The following PLXDC2 variants were observed in gnomAD, a reference collection of about 807,000 sequenced individuals.
The protein encoded by PLXDC2 is plexin domain-containing protein 2.
Under a neutral mutation model 68.9 loss-of-function variants are expected in PLXDC2, and 40 were observed. That is an observed-to-expected ratio of 0.58 (90% CI 0.45 to 0.76). The LOEUF (loss-of-function observed/expected upper bound fraction) is 0.76. PLXDC2 is among the 30% of genes least tolerant of loss of function. The pLI is 0.00. For missense variants in PLXDC2, 644 were observed against 661.9 expected, an observed-to-expected ratio of 0.97 and a Z score of 0.30; for synonymous variants, 243 against 234.2, an observed-to-expected ratio of 1.04 and a Z score of -0.34.
chr10:20,242,610 C>T lies in PLXDC2; in HGVS notation c.1313-2735C>T, dbSNP rs368723258. On this transcript the variant is annotated intron_variant, in intron 12 of 13. Coordinates refer to ENST00000377252, the MANE Select transcript of PLXDC2 (RefSeq NM_032812.9). ...TTTATCTTTTTCCTTCCTCTCTTTT[C>T]CTCCTCCCTTCTCACCAAATATGGA... is the stretch of plus-strand genomic sequence containing the variant. 9.7e-4 allele frequency among the ~76,000 whole-genome samples: 147 copies of T among 152,234 alleles called. 1 individual carries two copies. The highest frequency in any genetic ancestry group is 3.1e-3 in the African/African-American group (127 of 41,552).
At chr10:20,275,739 C>T (rs1008772704) in intron 13 of PLXDC2, among the ~76,000 whole-genome samples, 2 of 151,932 alleles carry the variant, frequency 1.3e-5, no homozygotes, top group Non-Finnish European at 2.9e-5. Flanking sequence ...ATGGCAAAAC[C>T]CTGTTTCCAC....
intron 7 of PLXDC2, among the ~76,000 whole-genome samples, chr10:20,174,689 T>C (rs1834502426): frequency 6.6e-6 from 1 of 152,048 alleles, no homozygotes; most frequent in Admixed American, 6.6e-5. Context: ...ATATACCTAA[T>C]GTAAATGACG....
intron 4 of PLXDC2, among the ~76,000 whole-genome samples, chr10:20,113,974 A>C (rs1016847913): frequency 2.0e-5 from 3 of 152,092 alleles, no homozygotes; most frequent in Non-Finnish European, 2.9e-5. Context: ...AAATATAAAA[A>C]TTAGTTAGGC....
At chr10:20,004,314 G>A (rs1183710566) in intron 2 of PLXDC2, among the ~76,000 whole-genome samples, 1 of 152,168 alleles carries the variant, frequency 6.6e-6, no homozygotes, top group Admixed American at 6.5e-5. Flanking sequence ...ACCAGGCAAC[G>A]GTTGATGTGT....
chr10:20,237,342 A>G (rs538650149), intron 12 of PLXDC2, among the ~76,000 whole-genome samples: 90 of 152,334 alleles, frequency 5.9e-4, no homozygotes, highest in Non-Finnish European at 1.1e-3. Flanking sequence ...GCCGGTAAGC[A>G]TTTTAAAAAA....
intron 9 of PLXDC2, among the ~76,000 whole-genome samples, chr10:20,204,035 A>G (rs767571523): frequency 6.6e-6 from 1 of 152,000 alleles, no homozygotes; most frequent in African/African-American, 2.4e-5. Context: ...ATAGTCATCT[A>G]TCATTCCCAG....
intron 9 of PLXDC2, among the ~76,000 whole-genome samples, chr10:20,201,183 T>C (rs1010940948): frequency 1.3e-5 from 2 of 152,114 alleles, no homozygotes; most frequent in Non-Finnish European, 1.5e-5. Flanking sequence ...ATATACACAA[T>C]AGAATACTGT....
chr10:19,968,117 A>G (rs943027251), intron 1 of PLXDC2, among the ~76,000 whole-genome samples: 17 of 152,222 alleles, frequency 1.1e-4, no homozygotes, highest in Admixed American at 5.2e-4. Context: ...TGAAGTTACA[A>G]GTAAACAGGT....
chr10:20,051,996 C>T (rs1488010512), intron 3 of PLXDC2, among the ~76,000 whole-genome samples: 1 of 151,788 alleles, frequency 6.6e-6, no homozygotes, highest in Non-Finnish European at 1.5e-5. Flanking sequence ...AGACATTGGT[C>T]CTGTATCTAC....
rs544641646 is a variant in PLXDC2, at chr10:20,253,688, C to A, written c.1473+8183C>A. Among the ~76,000 whole-genome samples the A allele has an allele frequency of 2.0e-5, 3 of 152,246 alleles. No individual in the cohort carries two copies. The South Asian group carries it at 6.2e-4, about 32-fold the overall frequency. On this transcript the variant is annotated intron_variant, in intron 13 of 13. Coordinates refer to ENST00000377252, the MANE Select transcript of PLXDC2 (RefSeq NM_032812.9). ...CTTTTCCAAAATAAGTAGATGAATT[C>A]TCCAGTTATCTAGCACAAGTAAATT...
intron 4 of PLXDC2, among the ~76,000 whole-genome samples, chr10:20,130,339 C>T (rs1005863653): frequency 2.6e-5 from 4 of 151,952 alleles, no homozygotes; most frequent in Non-Finnish European, 5.9e-5. Flanking sequence ...AACTGATTTT[C>T]GCATGTTTAT....
chr10:20,214,235 A>G (rs1474924923), intron 10 of PLXDC2, among the ~76,000 whole-genome samples: 1 of 152,034 alleles, frequency 6.6e-6, no homozygotes, highest in African/African-American at 2.4e-5. Flanking sequence ...AATTTTGGTG[A>G]TCTAAATAGT....
At chr10:20,039,705 GA>G (rs1335507614) in intron 2 of PLXDC2, among the ~76,000 whole-genome samples, 1 of 151,716 alleles carries the variant, frequency 6.6e-6, no homozygotes, top group Non-Finnish European at 1.5e-5. Flanking sequence ...TTTATATAGA[GA>G]AAAAGAAAAA....
chr10:20,105,412 A>G (rs1426942093), intron 4 of PLXDC2, among the ~76,000 whole-genome samples: 1 of 152,190 alleles, frequency 6.6e-6, no homozygotes, highest in Non-Finnish European at 1.5e-5. Context: ...CCAACCTCGA[A>G]TGACTATTTT....
intron 13 of PLXDC2, among the ~76,000 whole-genome samples, chr10:20,266,892 C>G (rs1419233671): frequency 6.6e-6 from 1 of 152,088 alleles, no homozygotes; most frequent in Non-Finnish European, 1.5e-5. Context: ...AATGCGTTAT[C>G]TAAAATAATC....
intron 1 of PLXDC2, among the ~76,000 whole-genome samples, chr10:19,910,429 T>C (rs1833245430): frequency 6.6e-6 from 1 of 151,812 alleles, no homozygotes; most frequent in Non-Finnish European, 1.5e-5. Flanking sequence ...TTATAATCAC[T>C]ATCCGGGCGG....
chr10:19,937,963 G>C (rs1478036043), intron 1 of PLXDC2, among the ~76,000 whole-genome samples: 1 of 152,044 alleles, frequency 6.6e-6, no homozygotes, highest in Non-Finnish European at 1.5e-5. Context: ...TTTAGGCACA[G>C]GGTAACAATA....
At chr10:19,990,023 C>T (rs1350388529) in intron 1 of PLXDC2, among the ~76,000 whole-genome samples, 1 of 152,082 alleles carries the variant, frequency 6.6e-6, no homozygotes, top group Admixed American at 6.6e-5. Flanking sequence ...GCTGGGATTA[C>T]AGGTGTGAGC....
intron 12 of PLXDC2, among the ~76,000 whole-genome samples, chr10:20,221,004 G>C (rs890404884): frequency 6.6e-6 from 1 of 151,716 alleles, no homozygotes; most frequent in African/African-American, 2.4e-5. Context: ...CACTACGCCT[G>C]GCTAATTTTT....
Sources: allele counts gnomAD v4.1 joint callset (sites outside exome capture counted in the v4.1 genomes callset), GRCh38; gene constraint gnomAD v4.1.1; transcripts MANE v1.5; gene names NCBI Gene and HGNC (gene_info 2026-07-23, HGNC 2026-07-21).